SLC12A3: variants seen among roughly 807,000 people sequenced by gnomAD.
SLC12A3 encodes solute carrier family 12 member 3.
In SLC12A3, 104 loss-of-function variants were observed where a neutral mutation model predicts 121.0. The ratio of observed to expected loss-of-function variants is 0.86; its 90% CI spans 0.73 to 1.01. SLC12A3 has a LOEUF of 1.01. SLC12A3 is among the 50% of genes least tolerant of loss of function. The pLI, the probability that SLC12A3 is intolerant of heterozygous loss-of-function variation, is 0.00. For missense variants in SLC12A3, 1,328 were observed against 1,356.3 expected, an observed-to-expected ratio of 0.98 and a Z score of 0.33; for synonymous variants, 536 against 533.4, an observed-to-expected ratio of 1.00 and a Z score of -0.07.
chr16:56,876,260 T>C (rs1355194803), intron 8 of SLC12A3, among the ~76,000 whole-genome samples: 1 of 152,160 alleles, frequency 6.6e-6, no homozygotes, highest in Non-Finnish European at 1.5e-5. Context: ...TATGACCTCA[T>C]CTTTACTAAC....
chr16:56,899,545 G>A lies in SLC12A3; in HGVS notation c.2649G>A (p.Leu883=), dbSNP rs372429972. Residue 883 remains leucine, a synonymous_variant, in exon 23 of 26, where the codon CTG becomes CTA. Transcript: ENST00000563236. ...DQERKAIISL[L]SKFRLGFHEV... Reference sequence around the variant, plus strand: ...TGTCCTCCAGGATCATTTCTCTGCTGAGCAAGTTCCGACTGGGATTCCATG... The same window carrying A: ...TGTCCTCCAGGATCATTTCTCTGCTAAGCAAGTTCCGACTGGGATTCCATG... The A allele has an allele frequency of 7.5e-5, 121 of 1,613,696 alleles. No homozygotes were observed. Among genetic ancestry groups the A allele is most frequent in the Non-Finnish European group, 1.0e-4 (119 of 1,179,682 alleles).
At chr16:56,902,627 G>T in intron 24 of SLC12A3, 119 bp downstream of exon 24, 1 of 1,250,278 alleles carries the variant, frequency 8.0e-7, no homozygotes. Flanking sequence ...TTCCACTCCG[G>T]CCCCTGAGGT....
At position 56,870,178 on chromosome 16, in the gene SLC12A3, C is replaced by A. The variant is rs143757080; in HGVS notation, c.684C>A (p.Ala228=). 3.1e-6 allele frequency: 5 copies of A among 1,614,076 alleles called. No individual in the cohort carries two copies. Among genetic ancestry groups the A allele is most frequent in the Non-Finnish European group, 3.4e-6 (4 of 1,180,044 alleles). ...SIGLIFAFAN[A]VGVAMHTVGF... is the part of the protein sequence containing the mutation. ...GCCTCATTTTCGCTTTCGCCAATGCCGTGGGTGTGGCCATGCACACGGTGG... is the reference window on the plus strand; with the variant it reads ...GCCTCATTTTCGCTTTCGCCAATGCAGTGGGTGTGGCCATGCACACGGTGG... The change falls in exon 5 of 26, where the codon GCC becomes GCA. Residue 228 remains alanine (A), a synonymous_variant. Coordinates refer to ENST00000563236, the MANE Select transcript of SLC12A3 (RefSeq NM_001126108.2).
rs201340564 is a variant in SLC12A3, at chr16:56,872,702, T to C, written c.1011T>C (p.Asp337=). The change falls in exon 8 of 26, where the codon GAT becomes GAC. Residue 337 remains aspartate, a synonymous_variant. Coordinates refer to ENST00000563236, the MANE Select transcript of SLC12A3 (RefSeq NM_001126108.2). ...QNLVPDWRGP[D]GTFFGMFSIF... ...TGGTGCCTGACTGGCGGGGTCCAGATGGCACCTTCTTCGGAATGTTCTCCA... is the reference window on the plus strand; with the variant it reads ...TGGTGCCTGACTGGCGGGGTCCAGACGGCACCTTCTTCGGAATGTTCTCCA... 1.5e-5 allele frequency: 25 copies of C among 1,614,146 alleles called. No individual in the cohort carries two copies. In the African/African-American group the frequency reaches 2.9e-4, roughly 19 times the overall value.
intron 25 of SLC12A3, among the ~76,000 whole-genome samples, chr16:56,905,664 G>A (rs181080860): frequency 2.1e-3 from 319 of 152,316 alleles, no homozygotes; most frequent in African/African-American, 7.3e-3. Context: ...AAAATGTGGG[G>A]CACCTTGCTC....
chr16:56,874,993 C>T (rs556263629), intron 8 of SLC12A3, among the ~76,000 whole-genome samples: 10 of 152,226 alleles, frequency 6.6e-5, no homozygotes, highest in Middle Eastern at 3.4e-3. Flanking sequence ...CCTGAGGTCC[C>T]GCAGAGGTTG....
intron 24 of SLC12A3, among the ~76,000 whole-genome samples, chr16:56,902,711 C>T (rs1411793246): frequency 2.0e-5 from 3 of 152,164 alleles, no homozygotes; most frequent in Non-Finnish European, 2.9e-5. Flanking sequence ...GACCTGGGAG[C>T]CTGGTCCTCC....
At chr16:56,902,531 G>GGGGGGGGGGTGGC in intron 24 of SLC12A3, 23 bp downstream of exon 24, 2 of 714,566 alleles carry the variant, frequency 2.8e-6, no homozygotes, top group Non-Finnish European at 4.8e-6. Flanking sequence ...GTGGGGGTGG[G>GGGGGGGGGGTGGC]AAACGCGACA....
intron 24 of SLC12A3, 23 bp downstream of exon 24, chr16:56,902,531 G>GGGGGGGGGGGCGGC: frequency 1.4e-6 from 1 of 714,570 alleles, no homozygotes; most frequent in Non-Finnish European, 2.4e-6. Context: ...GTGGGGGTGG[G>GGGGGGGGGGGCGGC]AAACGCGACA....
rs2304478 is a variant in SLC12A3 at position 56,865,628 on chromosome 16, G to A, written c.282+111G>A. 24,838 of 1,221,770 alleles carry A rather than the reference G, an allele frequency of 0.02. 669 individuals carry two copies. The highest frequency in any genetic ancestry group is 0.11 in the East Asian group (4,592 of 41,114). 75.7% of individuals were successfully genotyped at this position (1,221,770 alleles called of 1,614,324 possible). On this transcript the variant is annotated intron_variant, in intron 1 of 25. Coordinates refer to ENST00000563236, the MANE Select transcript of SLC12A3 (RefSeq NM_001126108.2). ...ATCTGTGCCATGGGGATGGAGGAGC[G>A]TCTTCTTCCTGGGTTGAGAGGCCCC...
At chr16:56,895,383 G>A (rs1321726836) in intron 22 of SLC12A3, among the ~76,000 whole-genome samples, 4 of 150,454 alleles carry the variant, frequency 2.7e-5, no homozygotes, top group African/African-American at 9.7e-5. Context: ...TAGTAGAGAT[G>A]GGGTTTCGCC....
chr16:56,886,571 G>A lies in SLC12A3; in HGVS notation c.2037+96G>A, dbSNP rs12929471. On this transcript the variant is annotated intron_variant, in intron 16 of 25. Coordinates refer to ENST00000563236, the MANE Select transcript of SLC12A3 (RefSeq NM_001126108.2). ...GAGCCAAGACAGGTGGATCACCCGA[G>A]GTCAGGAGTTTGAGACCAGCCTGGC... The A allele has an allele frequency of 2.0e-3, 2,338 of 1,164,386 alleles. 7 individuals carry two copies. Among genetic ancestry groups the A allele is most frequent in the Non-Finnish European group, 2.7e-3 (2,137 of 789,966 alleles). 72.1% of individuals were successfully genotyped at this position (1,164,386 alleles called of 1,614,324 possible).
At chr16:56,871,774 G>T (rs11646723) in intron 6 of SLC12A3, among the ~76,000 whole-genome samples, 8,691 of 152,156 alleles carry the variant, frequency 0.057, 515 homozygotes, top group East Asian at 0.31. Flanking sequence ...CTAGGCTGGG[G>T]TGCAGAGGCG....
Position 56,870,666 on chromosome 16 carries a change from G to A in SLC12A3, c.782G>A (p.Arg261His), listed in dbSNP as rs914588619. ...APIVDPINDI[R>H]IIAVVSVTVL... ...ATCGTGGACCCCATTAACGACATCCGCATCATTGCCGTGGTCTCGGTCACT... is the reference window on the plus strand; with the variant it reads ...ATCGTGGACCCCATTAACGACATCCACATCATTGCCGTGGTCTCGGTCACT... Residue 261 changes from arginine (R) to histidine (H), a missense_variant, in exon 6 of 26, where the codon CGC becomes CAC. Coordinates refer to ENST00000563236, the MANE Select transcript of SLC12A3 (RefSeq NM_001126108.2). The A allele has an allele frequency of 8.7e-6, 14 of 1,613,536 alleles. No individual in the cohort carries two copies. The highest frequency in any genetic ancestry group is 1.3e-5 in the African/African-American group (1 of 74,880).
chr16:56,885,927 G>C (rs1455237066), intron 15 of SLC12A3, among the ~76,000 whole-genome samples: 9 of 152,198 alleles, frequency 5.9e-5, no homozygotes, highest in African/African-American at 2.2e-4. Flanking sequence ...TCACACAGCT[G>C]GCAAGTGGCC....
At position 56,869,793 on chromosome 16, in the gene SLC12A3, A is replaced by C. The variant is rs763292726; in HGVS notation, c.570A>C (p.Ser190=). ...CCTCCATCACAGGCCTCTCCATCTCAGCCATCTCCACCAATGGCAAGGTCA... is the reference window on the plus strand; with the variant it reads ...CCTCCATCACAGGCCTCTCCATCTCCGCCATCTCCACCAATGGCAAGGTCA... The part of the protein sequence containing the change: ...TVTSITGLSI[S]AISTNGKVKS... The change falls in exon 4 of 26, where the codon TCA becomes TCC. Residue 190 remains serine, a synonymous_variant. Transcript: ENST00000563236. 3.1e-6 allele frequency: 5 copies of C among 1,612,998 alleles called. No individual in the cohort carries two copies. In the African/African-American group the frequency reaches 4.0e-5, roughly 13 times the overall value.
chr16:56,883,000 G>C (rs1169984161), intron 13 of SLC12A3, among the ~76,000 whole-genome samples: 2 of 152,076 alleles, frequency 1.3e-5, no homozygotes, highest in African/African-American at 4.8e-5. Context: ...CTCGCGCACT[G>C]ACAGTGTGCA....
intron 25 of SLC12A3, chr16:56,906,778 C>A: frequency 4.0e-6 from 3 of 753,546 alleles, no homozygotes; most frequent in South Asian, 3.1e-5. Flanking sequence ...TTGGATTATG[C>A]AAAGAAAAGT....
chr16:56,870,680 G>A lies in SLC12A3; in HGVS notation c.796G>A (p.Val266Ile), dbSNP rs1365677337. The change falls in exon 6 of 26, where the codon GTC (valine) becomes ATC (isoleucine). Residue 266 changes from valine (V) to isoleucine (I), a missense_variant. Physicochemically the swap from Val to Ile is conservative, Grantham distance 29. Transcript: ENST00000563236. ...PINDIRIIAVVSVTVLLAISL... is the reference protein window; with the variant it reads ...PINDIRIIAVISVTVLLAISL... ...TAACGACATCCGCATCATTGCCGTG[G>A]TCTCGGTCACTGTGCTGCTGGCCAT... 1 of 1,614,058 alleles carries A rather than the reference G, an allele frequency of 6.2e-7. No homozygotes were observed. The highest frequency in any genetic ancestry group is 2.2e-5 in the East Asian group (1 of 44,876).
Sources: gnomAD v4.1 joint callset for allele counts (sites outside exome capture counted in the v4.1 genomes callset) on GRCh38, gnomAD v4.1.1 for gene constraint, MANE v1.5 for transcripts, NCBI Gene and HGNC (gene_info 2026-07-23, HGNC 2026-07-21) for gene names.